The following CEMIP variants were observed in gnomAD, a reference collection of about 807,000 sequenced individuals.
CEMIP encodes the protein cell migration inducing hyaluronidase 1.
In CEMIP, 105 loss-of-function variants were observed where a neutral mutation model predicts 156.9. The observed-to-expected ratio is 0.67, with a 90% CI of 0.57 to 0.79. CEMIP has a LOEUF of 0.79. Ranked by LOEUF, CEMIP falls within the 30% of genes least tolerant of loss-of-function variation. The pLI is 0.00. For synonymous variants in CEMIP, 676 were observed against 668.4 expected, an observed-to-expected ratio of 1.01 and a Z score of -0.17; for missense variants, 1,457 against 1,769.4, an observed-to-expected ratio of 0.82 and a Z score of 3.17.
chr15:80,875,021 ATTTTTTTTTT>A (rs755707756), intron 3 of CEMIP, among the ~76,000 whole-genome samples: 1 of 64,914 alleles, frequency 1.5e-5, no homozygotes, highest in Non-Finnish European at 2.7e-5. Flanking sequence ...AGCAAGTAGC[ATTTTTTTTTT>A]TTTTTTTTTT....
In CEMIP at chr15:80,897,199, A is replaced by T. The variant is rs573167247; in HGVS notation, c.1411+1139A>T. The T allele has an allele frequency of 8.2e-5, 37 of 452,974 alleles. No individual in the cohort carries two copies. In the East Asian group the frequency reaches 1.9e-3, roughly 23 times the overall value. 28.1% of individuals were successfully genotyped at this position (452,974 alleles called of 1,614,324 possible). A position where few individuals can be genotyped will look rare whatever the true frequency, so the allele number is the denominator to read the frequency against. ...ACCATACCACCTGGAGGAGTATTAG[A>T]ATATGGGGTTGGGAGAAAGACCATG... On this transcript the variant is annotated intron_variant, in intron 12 of 29. Transcript: ENST00000394685.
At chr15:80,817,871 A>G (rs1033557056) in intron 1 of CEMIP, among the ~76,000 whole-genome samples, 3 of 152,166 alleles carry the variant, frequency 2.0e-5, no homozygotes, top group Admixed American at 6.5e-5. Flanking sequence ...TCTTGTAAAA[A>G]TTATATGATC....
At chr15:80,894,335 G>A (rs1252757816) in intron 10 of CEMIP, among the ~76,000 whole-genome samples, 1 of 152,216 alleles carries the variant, frequency 6.6e-6, no homozygotes, top group East Asian at 1.9e-4. Context: ...TCCTGGGTAA[G>A]TAACTGAACC....
chr15:80,837,816 G>A (rs960174077), intron 1 of CEMIP, among the ~76,000 whole-genome samples: 5 of 152,198 alleles, frequency 3.3e-5, no homozygotes, highest in African/African-American at 9.7e-5. Flanking sequence ...ATAGACATGG[G>A]CAGTTGCTAA....
At position 80,929,189 on chromosome 15, in the gene CEMIP, A is replaced by G. The variant is rs376304968; in HGVS notation, c.2612+15A>G. 20 of 1,614,082 alleles carry G rather than the reference A, an allele frequency of 1.2e-5. No individual in the cohort carries two copies. The African/African-American group carries it at 1.6e-4, about 13-fold the overall frequency. ...CCTATAGGCCAGTAGGTTTGCAACC[A>G]TGTAGCTCCTTATTCTGAGTGGCTT... On this transcript the variant is annotated intron_variant, in intron 21 of 29. Transcript: ENST00000394685.
At chr15:80,897,944 T>C (rs1899303031) in intron 12 of CEMIP, among the ~76,000 whole-genome samples, 1 of 152,236 alleles carries the variant, frequency 6.6e-6, no homozygotes, top group African/African-American at 2.4e-5. Flanking sequence ...GAGGGACAAC[T>C]TTCTCAGCTG....
intron 12 of CEMIP, chr15:80,900,983 G>A (rs1405684052): frequency 2.2e-6 from 1 of 455,406 alleles, no homozygotes; most frequent in South Asian, 1.6e-5. Flanking sequence ...GAAACAGATG[G>A]GGGTAACATA....
rs187733050 is a variant in CEMIP at position 80,886,158 on chromosome 15, T to C, written c.798-1536T>C. Among the ~76,000 whole-genome samples the C allele has an allele frequency of 2.7e-3, 416 of 152,256 alleles. 4 individuals carry two copies. The highest frequency in any genetic ancestry group is 4.7e-4 in the Non-Finnish European group (32 of 68,018). The stretch of plus-strand genomic sequence containing the variant: ...AAGAGAGTGGGCAAGTGTAGTTTAG[T>C]GCAGACGAACACATGAGGATGAGGC... On this transcript the variant is annotated intron_variant, in intron 7 of 29. Transcript: ENST00000394685.
chr15:80,832,320 C>CTGTGTGTGTGTGTGTGTGTGTGTG (rs1266715174), intron 1 of CEMIP, among the ~76,000 whole-genome samples: 2 of 18,154 alleles, frequency 1.1e-4, no homozygotes, highest in East Asian at 1.8e-3. Context: ...TTAAAATAAA[C>CTGTGTGTGTGTGTGTGTGTGTGTG]TCTGTGTGTG....
chr15:80,837,513 A>T (rs1897295125), intron 1 of CEMIP, among the ~76,000 whole-genome samples: 1 of 152,166 alleles, frequency 6.6e-6, no homozygotes, highest in African/African-American at 2.4e-5. Flanking sequence ...TAGGAAACCA[A>T]GGGTTGCCCA....
intron 1 of CEMIP, among the ~76,000 whole-genome samples, chr15:80,867,723 A>G (rs926649943): frequency 1.3e-5 from 2 of 152,190 alleles, no homozygotes; most frequent in African/African-American, 4.8e-5. Flanking sequence ...TCTGTGATCC[A>G]GAGGGGTGCT....
intron 25 of CEMIP, among the ~76,000 whole-genome samples, chr15:80,939,160 A>G (rs369177157): frequency 3.5e-4 from 54 of 152,334 alleles, no homozygotes; most frequent in African/African-American, 1.1e-3. Context: ...GAGCTTTCCA[A>G]TATCATCCCC....
Position 80,846,740 on chromosome 15 carries a change from T to C in CEMIP, c.-175-26798T>C, listed in dbSNP as rs115532012. On this transcript the variant is annotated intron_variant, in intron 1 of 29. Coordinates refer to ENST00000394685, the MANE Select transcript of CEMIP (RefSeq NM_001293298.2). The stretch of plus-strand genomic sequence containing the variant: ...AGTGATCAGCTCAAGATCTGAAAGA[T>C]CAAAGGTGGCTGAAATGAAAAGGAC... 5.4e-3 allele frequency among the ~76,000 whole-genome samples: 821 copies of C among 152,270 alleles called. 10 individuals carry two copies. The highest frequency in any genetic ancestry group is 0.018 in the African/African-American group (741 of 41,562).
intron 10 of CEMIP, among the ~76,000 whole-genome samples, chr15:80,892,068 T>C (rs1190706219): frequency 6.6e-6 from 1 of 152,176 alleles, no homozygotes; most frequent in Non-Finnish European, 1.5e-5. Context: ...ATGCAGTTTT[T>C]CTCTGGTCAC....
In CEMIP at chr15:80,847,729, C is replaced by T. The variant is rs116346355; in HGVS notation, c.-175-25809C>T. Among the ~76,000 whole-genome samples, 462 of 152,318 alleles carry T rather than the reference C, an allele frequency of 3.0e-3. 4 individuals carry two copies. The highest frequency in any genetic ancestry group is 0.01 in the African/African-American group (434 of 41,570). ...TGGGCTCAGAAGGCTGATGCTGGGA[C>T]CATCTTCTTTCATTCTGGCAAAACC... On this transcript the variant is annotated intron_variant, in intron 1 of 29. Coordinates refer to ENST00000394685, the MANE Select transcript of CEMIP (RefSeq NM_001293298.2).
chr15:80,856,173 T>G (rs899560691), intron 1 of CEMIP, among the ~76,000 whole-genome samples: 2 of 152,264 alleles, frequency 1.3e-5, no homozygotes, highest in Non-Finnish European at 2.9e-5. Context: ...GATAATGTTC[T>G]GGACATTCCT....
intron 1 of CEMIP, among the ~76,000 whole-genome samples, chr15:80,864,559 A>G (rs961127004): frequency 4.6e-5 from 7 of 152,142 alleles, no homozygotes; most frequent in Non-Finnish European, 8.8e-5. Context: ...ACATCATCTC[A>G]TCCCTCTAAC....
At chr15:80,834,197 T>C (rs1454099611) in intron 1 of CEMIP, among the ~76,000 whole-genome samples, 2 of 152,238 alleles carry the variant, frequency 1.3e-5, no homozygotes, top group Non-Finnish European at 2.9e-5. Flanking sequence ...TTTCTCTATG[T>C]ATTCTGGATA....
intron 1 of CEMIP, among the ~76,000 whole-genome samples, chr15:80,787,791 C>T (rs1215811174): frequency 2.6e-5 from 4 of 152,220 alleles, no homozygotes; most frequent in Non-Finnish European, 5.9e-5. Context: ...GTGGCTGCTG[C>T]CTGGGCTCTC....
Sources: gnomAD v4.1 joint callset for allele counts (sites outside exome capture counted in the v4.1 genomes callset) on GRCh38, gnomAD v4.1.1 for gene constraint, MANE v1.5 for transcripts, NCBI Gene and HGNC (gene_info 2026-07-23, HGNC 2026-07-21) for gene names.